CPSF1: variants seen among roughly 807,000 people sequenced by gnomAD.
CPSF1 encodes cleavage and polyadenylation specificity factor subunit 1.
CPSF1 carries 106 observed loss-of-function variants against 175.8 expected under a neutral mutation model. The observed-to-expected ratio is 0.60, with a 90% CI of 0.52 to 0.71. The LOEUF (loss-of-function observed/expected upper bound fraction) is 0.71, where lower values mean the gene tolerates loss of function less well. CPSF1 is among the 30% of genes least tolerant of loss of function. CPSF1 has a pLI of 0.00. For synonymous variants in CPSF1, 1,024 were observed against 858.3 expected, an observed-to-expected ratio of 1.19 and a Z score of -3.37; for missense variants, 1,734 against 2,022.9, an observed-to-expected ratio of 0.86 and a Z score of 2.74.
intron 2 of CPSF1, among the ~76,000 whole-genome samples, chr8:144,404,308 AT>A (rs1341832917): frequency 6.6e-6 from 1 of 152,172 alleles, no homozygotes; most frequent in Non-Finnish European, 1.5e-5. Flanking sequence ...TATAAGGTCA[AT>A]ATACAGAGAT....
Position 144,399,500 on chromosome 8 carries a change from C to T in CPSF1, c.1246G>A (p.Glu416Lys). 1.2e-6 allele frequency: 2 copies of T among 1,612,916 alleles called. No individual in the cohort carries two copies. The highest frequency in any genetic ancestry group is 1.7e-6 in the Non-Finnish European group (2 of 1,179,872). The stretch of plus-strand genomic sequence containing the variant: ...ACTCGCTTCTTCTTTGAGGGAGGCT[C>T]TTCCTGTGAGGCAGGAGGGGCACTG... ...SAVREAADKEEPPSKKKRVDA... is the reference protein window; with the variant it reads ...SAVREAADKEKPPSKKKRVDA... The change falls in exon 13 of 38, where the codon GAG becomes AAG. Residue 416 changes from glutamate to lysine, a missense_variant. Glu to Lys is a moderately conservative substitution (Grantham distance 56, BLOSUM62 1). Coordinates refer to ENST00000616140, the MANE Select transcript of CPSF1 (RefSeq NM_013291.3). This position sits in a 1 kb window ranked among gnomAD's most constrained non-coding sequence, Gnocchi z 6.4.
chr8:144,393,823 G>T (rs1412759433), intron 35 of CPSF1, 27 bp from the exon 36 acceptor site: 1 of 1,600,812 alleles, frequency 6.2e-7, no homozygotes, highest in Non-Finnish European at 8.5e-7. Context: ...GAGGGTTTTG[G>T]TGTGAGCCAG....
chr8:144,405,215 T>C (rs1554868721), intron 2 of CPSF1, among the ~76,000 whole-genome samples: 4 of 152,202 alleles, frequency 2.6e-5, no homozygotes, highest in Non-Finnish European at 5.9e-5. Flanking sequence ...CATCAAAGCA[T>C]CAGCATCCAG....
rs1413024037 is a variant in CPSF1, at chr8:144,409,171, G to C, written c.-13C>G. 7 of 1,600,734 alleles carry C rather than the reference G, an allele frequency of 4.4e-6. No individual in the cohort carries two copies. The African/African-American group carries it at 5.4e-5, about 12-fold the overall frequency. On this transcript the variant is annotated splice_region_variant and 5_prime_UTR_variant, in exon 2 of 38. Coordinates refer to ENST00000616140, the MANE Select transcript of CPSF1 (RefSeq NM_013291.3). ...ACACGGCGTACATGGCGCCAACCCG[G>C]GCTGCGCAAGGCCGGGAGAGGAAGG...
intron 2 of CPSF1, among the ~76,000 whole-genome samples, chr8:144,405,871 GGA>G (rs1454249041): frequency 4.6e-5 from 7 of 152,154 alleles, no homozygotes; most frequent in Admixed American, 3.9e-4. Flanking sequence ...TGGGGACAGG[GGA>G]GAGTGGAGGG....
Position 144,397,276 on chromosome 8 carries a change from C to A in CPSF1, c.2523G>T (p.Gly841=). The change falls in exon 23 of 38, where the codon GGG becomes GGT. Residue 841 remains glycine (G), a synonymous_variant. Transcript: ENST00000616140. Reference sequence around the variant, plus strand: ...GCACCTCCTTGACGAGGGGCAGCTCCCCCTGGCGCGTGGCCTCCTCCCTGC... The same window carrying A: ...GCACCTCCTTGACGAGGGGCAGCTCACCCTGGCGCGTGGCCTCCTCCCTGC... ...EARREEATRQ[G]ELPLVKEVLL... is the part of the protein sequence containing the mutation. 1 of 1,549,618 alleles carries A rather than the reference C, an allele frequency of 6.5e-7. No individual in the cohort carries two copies. Among genetic ancestry groups the A allele is most frequent in the Non-Finnish European group, 8.7e-7 (1 of 1,147,150 alleles).
intron 16 of CPSF1, 41 bp from the exon 17 acceptor site, chr8:144,398,909 C>T: frequency 6.2e-7 from 1 of 1,610,124 alleles, no homozygotes; most frequent in Non-Finnish European, 8.5e-7. Context: ...GGGGTGTGAG[C>T]CCACCCAGGT....
chr8:144,400,135 G>GGGGGCGCCCCCCCCCCCCCCCC, intron 9 of CPSF1, 31 bp downstream of exon 9: 2 of 896,012 alleles, frequency 2.2e-6, no homozygotes, highest in Non-Finnish European at 1.6e-6. Flanking sequence ...CCGTCCCCGG[G>GGGGGCGCCCCCCCCCCCCCCCC]CCCCCCCCGC....
In CPSF1 at chr8:144,398,978, C is replaced by G. The variant is rs782349115; in HGVS notation, c.1528G>C (p.Gly510Arg). 1 of 1,612,620 alleles carries G rather than the reference C, an allele frequency of 6.2e-7. No individual in the cohort carries two copies. The highest frequency in any genetic ancestry group is 2.2e-5 in the East Asian group (1 of 44,880). Residue 510 changes from glycine (G) to arginine (R), a missense_variant, in exon 16 of 38, where the codon GGG (glycine) becomes CGG (arginine). By Grantham distance (125) the Gly-to-Arg change is moderately radical. Coordinates refer to ENST00000616140, the MANE Select transcript of CPSF1 (RefSeq NM_013291.3). Reference protein sequence around the residue: ...IVVCSGHGKNGALSVLQKSIR... With the variant: ...IVVCSGHGKNRALSVLQKSIR... ...CACACCTGCAGCACCGACAAAGCCC[C>G]GTTCTTCCCGTGGCCGGAGCAAACC...
intron 26 of CPSF1, 104 bp from the exon 27 acceptor site, chr8:144,395,655 G>A (rs1820679254): frequency 1.0e-6 from 1 of 964,112 alleles, no homozygotes; most frequent in African/African-American, 1.6e-5. Flanking sequence ...CAGCTCTGTG[G>A]GAGCAGGGGT....
At position 144,400,811 on chromosome 8, in the gene CPSF1, C is replaced by T; in HGVS notation, c.546G>A (p.Arg182=). The T allele has an allele frequency of 1.9e-6, 3 of 1,613,630 alleles. No homozygotes were observed. The highest frequency in any genetic ancestry group is 2.5e-6 in the Non-Finnish European group (3 of 1,179,922). Residue 182 remains arginine (R), a synonymous_variant, in exon 7 of 38, where the codon AGG becomes AGA. Coordinates refer to ENST00000616140, the MANE Select transcript of CPSF1 (RefSeq NM_013291.3). ...TGATGTAGCTGGGCAGGAAGCTGGA[C>T]CTCTGCCTGGGGGGCCAGGGGCTTC... ...EHEGLVGEGQ[R]SSFLPSYIID...
intron 7 of CPSF1, 61 bp downstream of exon 7, chr8:144,400,610 C>G (rs1821143631): frequency 6.3e-7 from 1 of 1,594,512 alleles, no homozygotes; most frequent in African/African-American, 1.3e-5. Context: ...CCATGGGCCC[C>G]ACCCCAGGCA....
Position 144,394,388 on chromosome 8 carries a change from C to G in CPSF1, c.3735G>C (p.Leu1245=), listed in dbSNP as rs371639041. Reference sequence around the variant, plus strand: ...GCCGCCACAGGTGTACCCGCGACACCAGGCTCAGCGTCTTGCTTTCCTCCT... The same window carrying G: ...GCCGCCACAGGTGTACCCGCGACACGAGGCTCAGCGTCTTGCTTTCCTCCT... ...RYQEESKTLS[L]VSRDAKPLEV... Residue 1245 remains leucine, a synonymous_variant, in exon 32 of 38, where the codon CTG becomes CTC. Coordinates refer to ENST00000616140, the MANE Select transcript of CPSF1 (RefSeq NM_013291.3). The G allele has an allele frequency of 1.8e-4, 288 of 1,605,068 alleles. No individual in the cohort carries two copies. Among genetic ancestry groups the G allele is most frequent in the Non-Finnish European group, 2.4e-4 (278 of 1,175,228 alleles).
At chr8:144,397,713 C>T in intron 21 of CPSF1, 30 bp downstream of exon 21, 1 of 1,583,864 alleles carries the variant, frequency 6.3e-7, no homozygotes, top group Non-Finnish European at 8.6e-7. Flanking sequence ...GGGACCCAAG[C>T]CCCTACCTGC....
rs1554862882 is a variant in CPSF1 at position 144,394,625 on chromosome 8, C to T, written c.3567+19G>A. The T allele has an allele frequency of 3.1e-6, 5 of 1,602,594 alleles. No individual in the cohort carries two copies. In the South Asian group the frequency reaches 4.5e-5, roughly 14 times the overall value. ...GTGAGGGTGAGCCGGGGGACACACG[C>T]CGGGTGGGACTGGCACACCTTCTGG... is the stretch of plus-strand genomic sequence containing the variant. On this transcript the variant is annotated intron_variant, in intron 31 of 37. Transcript: ENST00000616140.
chr8:144,401,038 C>G lies in CPSF1; in HGVS notation c.425G>C (p.Arg142Pro). Residue 142 changes from arginine (R) to proline (P), a missense_variant, in exon 6 of 38, where the codon CGG becomes CCG. Arg to Pro is a moderately radical substitution (Grantham distance 103). Coordinates refer to ENST00000616140, the MANE Select transcript of CPSF1 (RefSeq NM_013291.3). ...TGCACAGCGCCCGTCGGGGTCCACCCGCACTCGCGGCGTGTGTACATTCTG... is the reference window on the plus strand; with the variant it reads ...TGCACAGCGCCCGTCGGGGTCCACCGGCACTCGCGGCGTGTGTACATTCTG... ...FVQNVHTPRVRVDPDGRCAAM... is the reference protein window; with the variant it reads ...FVQNVHTPRVPVDPDGRCAAM... 1 of 1,608,366 alleles carries G rather than the reference C, an allele frequency of 6.2e-7. No individual in the cohort carries two copies. Among genetic ancestry groups the G allele is most frequent in the South Asian group, 1.1e-5 (1 of 90,756 alleles).
rs2116856615 is a variant in CPSF1, at chr8:144,398,967, C to T, written c.1539G>A (p.Ser513=). 4.8e-5 allele frequency: 78 copies of T among 1,612,774 alleles called. No homozygotes were observed. In the Admixed American group the frequency reaches 8.8e-4, roughly 18 times the overall value. Residue 513 remains serine, a synonymous_variant, in exon 16 of 38, where the codon TCG becomes TCA. Transcript: ENST00000616140. The part of the protein sequence containing the change: ...CSGHGKNGAL[S]VLQKSIRPQV... ...CTACCTGCCCACACACCTGCAGCACCGACAAAGCCCCGTTCTTCCCGTGGC... is the reference window on the plus strand; with the variant it reads ...CTACCTGCCCACACACCTGCAGCACTGACAAAGCCCCGTTCTTCCCGTGGC...
intron 24 of CPSF1, 38 bp downstream of exon 24, chr8:144,396,800 CCA>C (rs782268938): frequency 6.2e-7 from 1 of 1,613,610 alleles, no homozygotes; most frequent in South Asian, 1.1e-5. Flanking sequence ...ACACCTTGTA[CCA>C]CACCCACCCC....
Position 144,409,317 on chromosome 8 carries a change from C to T in CPSF1, c.-43G>A. On this transcript the variant is annotated 5_prime_UTR_variant, in exon 1 of 38. Coordinates refer to ENST00000616140, the MANE Select transcript of CPSF1 (RefSeq NM_013291.3). ...GCAGTTGGAGCCGACTCGAGAGGAA[C>T]CGGGACAGCAGCGAACTCAGTCCGG... The T allele has an allele frequency of 1.9e-6, 1 of 520,398 alleles. No individual in the cohort carries two copies. The highest frequency in any genetic ancestry group is 2.8e-6 in the Non-Finnish European group (1 of 357,824). 32.2% of individuals were successfully genotyped at this position (520,398 alleles called of 1,614,324 possible). A position where few individuals can be genotyped will look rare whatever the true frequency, so the allele number is the denominator to read the frequency against.
Sources: allele counts gnomAD v4.1 joint callset (sites outside exome capture counted in the v4.1 genomes callset), GRCh38; gene constraint gnomAD v4.1.1; non-coding constraint Gnocchi (gnomAD v3.1); transcripts MANE v1.5; gene names NCBI Gene and HGNC (gene_info 2026-07-23, HGNC 2026-07-21).